Variants in CEMIP observed in about 807,000 individuals in gnomAD.
CEMIP encodes the protein cell migration-inducing and hyaluronan-binding protein.
In CEMIP, 105 loss-of-function variants were observed where a neutral mutation model predicts 156.9. That is an observed-to-expected ratio of 0.67 (90% CI 0.57 to 0.79). The LOEUF is 0.79. Ranked by LOEUF, CEMIP falls within the 30% of genes least tolerant of loss-of-function variation. The probability of loss-of-function intolerance (pLI) is 0.00; values close to 1 mark genes in which losing one functional copy is unlikely to be tolerated. For missense variants in CEMIP, 1,457 were observed against 1,769.4 expected (o/e 0.82, Z 3.17); for synonymous variants, 676 against 668.4 (o/e 1.01, Z -0.17).
At chr15:80,924,350 T>C (rs1197800524) in intron 17 of CEMIP, among the ~76,000 whole-genome samples, 2 of 152,360 alleles carry the variant, frequency 1.3e-5, no homozygotes, top group Non-Finnish European at 2.9e-5. Context: ...CTTTGCTATG[T>C]GGCCTTGGAC....
chr15:80,897,515 G>A (rs982188231), intron 12 of CEMIP, among the ~76,000 whole-genome samples: 5 of 152,170 alleles, frequency 3.3e-5, no homozygotes, highest in African/African-American at 4.8e-5. Context: ...GAAGGCTTAC[G>A]TGTTTTGGAG....
chr15:80,843,868 T>C (rs1310518338), intron 1 of CEMIP, among the ~76,000 whole-genome samples: 1 of 152,190 alleles, frequency 6.6e-6, no homozygotes, highest in African/African-American at 2.4e-5. Flanking sequence ...GCTAGGATCC[T>C]GGTGGCATGG....
intron 1 of CEMIP, among the ~76,000 whole-genome samples, chr15:80,794,562 A>T (rs1278362761): frequency 6.6e-6 from 1 of 152,226 alleles, no homozygotes; most frequent in Non-Finnish European, 1.5e-5. Flanking sequence ...TTAATAATAT[A>T]CTTTATTTTC....
chr15:80,815,209 C>T (rs1246881658), intron 1 of CEMIP, among the ~76,000 whole-genome samples: 1 of 152,254 alleles, frequency 6.6e-6, no homozygotes, highest in East Asian at 1.9e-4. Flanking sequence ...CACTCACTAA[C>T]TTTCAGACTA....
intron 3 of CEMIP, among the ~76,000 whole-genome samples, chr15:80,875,595 G>A (rs1316452189): frequency 6.6e-6 from 1 of 152,082 alleles, no homozygotes; most frequent in African/African-American, 2.4e-5. Flanking sequence ...TGTGGAAAGG[G>A]GCTGAGCCTC....
intron 7 of CEMIP, among the ~76,000 whole-genome samples, chr15:80,886,266 G>A (rs1157620330): frequency 6.6e-6 from 1 of 152,074 alleles, no homozygotes; most frequent in East Asian, 1.9e-4. Flanking sequence ...TGGGGATGGC[G>A]AGGCAGTGGC....
chr15:80,933,100 C>T (rs563980435), intron 22 of CEMIP, 145 bp from the exon 23 acceptor site: 50 of 710,816 alleles, frequency 7.0e-5, no homozygotes, highest in Non-Finnish European at 1.2e-4. Flanking sequence ...GGGTCAGCCA[C>T]GTGGTTTCTC....
intron 24 of CEMIP, among the ~76,000 whole-genome samples, chr15:80,937,431 C>T (rs1317728683): frequency 6.6e-6 from 1 of 152,198 alleles, no homozygotes; most frequent in Non-Finnish European, 1.5e-5. Flanking sequence ...GCGATGAAAT[C>T]GGCCCTACAA....
intron 1 of CEMIP, among the ~76,000 whole-genome samples, chr15:80,838,240 G>C (rs956341680): frequency 3.3e-5 from 5 of 152,174 alleles, no homozygotes; most frequent in African/African-American, 1.2e-4. Context: ...CACCCAGCTG[G>C]CTGGAGCAAC....
At position 80,936,679 on chromosome 15, in the gene CEMIP, C is replaced by T. The variant is rs1167067392; in HGVS notation, c.3015C>T (p.Tyr1005=). 3 of 1,613,408 alleles carry T rather than the reference C, an allele frequency of 1.9e-6. No individual in the cohort carries two copies. The highest frequency in any genetic ancestry group is 2.5e-6 in the Non-Finnish European group (3 of 1,179,544). The change falls in exon 24 of 30, where the codon TAC becomes TAT. Residue 1005 remains tyrosine (Y), a synonymous_variant. Coordinates refer to ENST00000394685, the MANE Select transcript of CEMIP (RefSeq NM_001293298.2). The part of the protein sequence containing the change: ...AICSGCYAQM[Y]IQAYKTSNLR... The stretch of plus-strand genomic sequence containing the variant: ...TCCTTTTTGGGTTTTAAAAGATGTA[C>T]ATTCAAGCCTACAAGACCAGTAACC...
At chr15:80,899,459 A>C (rs1267138425) in intron 12 of CEMIP, among the ~76,000 whole-genome samples, 3 of 152,148 alleles carry the variant, frequency 2.0e-5, no homozygotes, top group Non-Finnish European at 4.4e-5. Context: ...TAGAAAAGGG[A>C]GATTTGGCAA....
chr15:80,869,833 T>C (rs1249665811), intron 1 of CEMIP, among the ~76,000 whole-genome samples: 1 of 152,188 alleles, frequency 6.6e-6, no homozygotes, highest in Non-Finnish European at 1.5e-5. Context: ...TATTCCCATG[T>C]TCACAATGAG....
chr15:80,878,132 C>G (rs1898532677), intron 3 of CEMIP, among the ~76,000 whole-genome samples: 1 of 152,210 alleles, frequency 6.6e-6, no homozygotes, highest in African/African-American at 2.4e-5. Context: ...GGGAAGCCTA[C>G]AGTGTGACAT....
intron 1 of CEMIP, among the ~76,000 whole-genome samples, chr15:80,848,167 C>T (rs948963845): frequency 1.3e-4 from 20 of 152,196 alleles, no homozygotes; most frequent in African/African-American, 4.6e-4. Flanking sequence ...GAGACCCCTG[C>T]AGGAGACTGA....
intron 7 of CEMIP, among the ~76,000 whole-genome samples, chr15:80,886,044 T>G (rs1898826188): frequency 1.3e-5 from 2 of 152,178 alleles, no homozygotes; most frequent in South Asian, 4.1e-4. Context: ...GAACACATAC[T>G]GGTGGGAGGT....
At chr15:80,882,714 G>T (rs1898702963) in intron 6 of CEMIP, among the ~76,000 whole-genome samples, 1 of 152,014 alleles carries the variant, frequency 6.6e-6, no homozygotes, top group South Asian at 2.1e-4. Context: ...TAATCTGATA[G>T]ATGAATGTGT....
intron 1 of CEMIP, among the ~76,000 whole-genome samples, chr15:80,859,516 G>A (rs941339117): frequency 2.6e-5 from 4 of 152,228 alleles, no homozygotes; most frequent in African/African-American, 9.6e-5. Flanking sequence ...CTTTGCCCAG[G>A]TCAGAAGGCC....
intron 23 of CEMIP, 76 bp downstream of exon 23, chr15:80,933,536 T>A: frequency 1.8e-6 from 2 of 1,142,692 alleles, no homozygotes; most frequent in Non-Finnish European, 2.6e-6. Flanking sequence ...GTCTACTCTA[T>A]GCCTGGCTCT....
chr15:80,887,788 C>T, intron 8 of CEMIP, 24 bp downstream of exon 8: 1 of 1,561,006 alleles, frequency 6.4e-7, no homozygotes, highest in Non-Finnish European at 8.8e-7. Flanking sequence ...GGCTGGAGGC[C>T]TGATTCCCTC....
Sources: gnomAD v4.1 joint callset for allele counts (sites outside exome capture counted in the v4.1 genomes callset) on GRCh38, gnomAD v4.1.1 for gene constraint, MANE v1.5 for transcripts, NCBI Gene and HGNC (gene_info 2026-07-23, HGNC 2026-07-21) for gene names.